Variants in EGFLAM observed in about 807,000 individuals in gnomAD.
The protein encoded by EGFLAM is EGF like, fibronectin type III and laminin G domains.
Under a neutral mutation model 113.1 loss-of-function variants are expected in EGFLAM, and 79 were observed. That is an observed-to-expected ratio of 0.70 (90% CI 0.58 to 0.84). The LOEUF (loss-of-function observed/expected upper bound fraction) is 0.84, where lower values mean the gene tolerates loss of function less well. Among genes scored for constraint, EGFLAM ranks in the 40% least tolerant of loss-of-function variants. The pLI is 0.00. For missense variants in EGFLAM, 1,265 were observed against 1,291.6 expected, an observed-to-expected ratio of 0.98 and a Z score of 0.32; for synonymous variants, 504 against 487.6, an observed-to-expected ratio of 1.03 and a Z score of -0.44.
intron 1 of EGFLAM, among the ~76,000 whole-genome samples, chr5:38,323,584 CAA>C (rs977805649): frequency 1.3e-5 from 2 of 152,104 alleles, no homozygotes; most frequent in African/African-American, 2.4e-5. Flanking sequence ...ATTGGTGAAA[CAA>C]GTGTTATTTT....
intron 10 of EGFLAM, among the ~76,000 whole-genome samples, chr5:38,411,244 A>G (rs1048460711): frequency 3.9e-5 from 6 of 152,054 alleles, no homozygotes; most frequent in Non-Finnish European, 5.9e-5. Flanking sequence ...CCTGGCCAAC[A>G]TGGCGAAACC....
rs541854487 is a variant in EGFLAM at position 38,311,622 on chromosome 5, C to T, written c.98-25898C>T. Among the ~76,000 whole-genome samples the T allele has an allele frequency of 4.6e-5, 7 of 152,088 alleles. No individual in the cohort carries two copies. In the South Asian group the frequency reaches 1.2e-3, roughly 27 times the overall value. Reference sequence around the variant, plus strand: ...ACCTGCCTGTTTTTTGCATTTTTTTCGTTTCTTCTGTTTTTGGCAATAATG... The same window carrying T: ...ACCTGCCTGTTTTTTGCATTTTTTTTGTTTCTTCTGTTTTTGGCAATAATG... On this transcript the variant is annotated intron_variant, in intron 1 of 21. Transcript: ENST00000322350.
chr5:38,450,376 C>T (rs1225880573), intron 18 of EGFLAM, among the ~76,000 whole-genome samples: 1 of 152,156 alleles, frequency 6.6e-6, no homozygotes, highest in African/African-American at 2.4e-5. Context: ...TCCTGACGAG[C>T]TCAGGCTCTG....
At chr5:38,357,272 AGACCCTCACCAGGCAATG>A (rs1408238104) in intron 5 of EGFLAM, among the ~76,000 whole-genome samples, 1 of 152,122 alleles carries the variant, frequency 6.6e-6, no homozygotes, top group Non-Finnish European at 1.5e-5. Flanking sequence ...AAAAGAAGGC[AGACCCTCACCAGGCAATG>A]GACCCTCACC....
chr5:38,295,089 C>T (rs58406260), intron 1 of EGFLAM, among the ~76,000 whole-genome samples: 1 of 152,104 alleles, frequency 6.6e-6, no homozygotes. Context: ...GGCCTCCCAA[C>T]GTGCTGGGAA....
chr5:38,287,852 T>C (rs1378949015), intron 1 of EGFLAM, among the ~76,000 whole-genome samples: 1 of 152,248 alleles, frequency 6.6e-6, no homozygotes, highest in East Asian at 1.9e-4. Flanking sequence ...CAGTCATTAA[T>C]GTTTACATAT....
intron 20 of EGFLAM, chr5:38,460,807 G>A (rs1743245985): frequency 6.6e-6 from 1 of 152,244 alleles, no homozygotes; most frequent in South Asian, 2.1e-4. Flanking sequence ...CTCTGTAGCA[G>A]GCTCCAGGGT....
chr5:38,401,755 G>A (rs1741120751), intron 6 of EGFLAM: 1 of 152,216 alleles, frequency 6.6e-6, no homozygotes, highest in South Asian at 2.1e-4. Flanking sequence ...TGCCCTCAAA[G>A]GATTTACAAT....
chr5:38,418,407 G>A (rs531358179), intron 12 of EGFLAM, 152 bp downstream of exon 12: 16 of 965,362 alleles, frequency 1.7e-5, no homozygotes, highest in South Asian at 5.4e-5. Context: ...GTGGGCCTCA[G>A]GGGTGAGGCT....
chr5:38,406,158 C>A lies in EGFLAM; in HGVS notation c.745C>A (p.Pro249Thr), dbSNP rs762335917. Residue 249 changes from proline (P) to threonine (T), a missense_variant, in exon 7 of 22, where the codon CCC becomes ACC. By Grantham distance (38) the Pro-to-Thr change is conservative (BLOSUM62 -1). Coordinates refer to ENST00000322350, the MANE Select transcript of EGFLAM (RefSeq NM_152403.4). Reference sequence around the variant, plus strand: ...GGAGGCGGGAAGTGGCCGCTATGGACCCCGTTATATCACCGACATGGGAGC... The same window carrying A: ...GGAGGCGGGAAGTGGCCGCTATGGAACCCGTTATATCACCGACATGGGAGC... Reference protein sequence around the residue: ...PEEAGSGRYGPRYITDMGAGE... With the variant: ...PEEAGSGRYGTRYITDMGAGE... 6.2e-7 allele frequency: 1 copy of A among 1,614,088 alleles called. No homozygotes were observed. The highest frequency in any genetic ancestry group is 1.1e-5 in the South Asian group (1 of 91,074).
At chr5:38,374,018 A>G (rs1740298821) in intron 6 of EGFLAM, among the ~76,000 whole-genome samples, 1 of 152,218 alleles carries the variant, frequency 6.6e-6, no homozygotes, top group Admixed American at 6.5e-5. Context: ...TAGAAATACC[A>G]TACTGGCCTC....
At chr5:38,451,038 G>C (rs988473088) in intron 18 of EGFLAM, among the ~76,000 whole-genome samples, 1 of 152,206 alleles carries the variant, frequency 6.6e-6, no homozygotes, top group Non-Finnish European at 1.5e-5. Context: ...GTGTATGGGG[G>C]TGCAGCCTAA....
intron 12 of EGFLAM, among the ~76,000 whole-genome samples, chr5:38,423,629 T>C (rs138592341): frequency 1.7e-3 from 266 of 152,230 alleles, no homozygotes; most frequent in African/African-American, 6.1e-3. Flanking sequence ...AAGATCAAAG[T>C]CAGCCAGCAT....
intron 18 of EGFLAM, 56 bp downstream of exon 18, chr5:38,448,435 T>A (rs1742797645): frequency 6.4e-7 from 1 of 1,557,278 alleles, no homozygotes; most frequent in Admixed American, 1.7e-5. Flanking sequence ...TTTCTCTATA[T>A]CTTTCTCAGG....
chr5:38,325,836 A>T (rs904759777), intron 1 of EGFLAM, among the ~76,000 whole-genome samples: 3 of 152,216 alleles, frequency 2.0e-5, no homozygotes, highest in African/African-American at 7.2e-5. Context: ...AGGAAGGAAG[A>T]GGAAAGAGAT....
At chr5:38,378,347 C>T (rs1740418779) in intron 6 of EGFLAM, among the ~76,000 whole-genome samples, 1 of 152,196 alleles carries the variant, frequency 6.6e-6, no homozygotes, top group Non-Finnish European at 1.5e-5. Context: ...CATTGCCCAT[C>T]TGCCTGGAGA....
intron 1 of EGFLAM, among the ~76,000 whole-genome samples, chr5:38,309,525 G>T (rs768325556): frequency 6.6e-5 from 10 of 152,178 alleles, no homozygotes; most frequent in Non-Finnish European, 1.0e-4. Flanking sequence ...CCTGTGGTGT[G>T]AATTGCTCTG....
chr5:38,326,763 A>T (rs1177669447), intron 1 of EGFLAM, among the ~76,000 whole-genome samples: 9 of 149,308 alleles, frequency 6.0e-5, no homozygotes, highest in African/African-American at 2.2e-4. Flanking sequence ...AAGTGCTGGG[A>T]TTACAGGCGT....
chr5:38,438,140 A>AAAT, intron 16 of EGFLAM, 135 bp from the exon 17 acceptor site: 1 of 730,658 alleles, frequency 1.4e-6, no homozygotes, highest in Non-Finnish European at 2.0e-6. Flanking sequence ...AAAAAAAAAA[A>AAAT]GTGGAAACTG....
Sources: allele counts gnomAD v4.1 joint callset (sites outside exome capture counted in the v4.1 genomes callset), GRCh38; gene constraint gnomAD v4.1.1; transcripts MANE v1.5; gene names NCBI Gene and HGNC (gene_info 2026-07-23, HGNC 2026-07-21).